The following FARS2 variants were observed in gnomAD, a reference collection of about 807,000 sequenced individuals.
FARS2 encodes the protein phenylalanyl-tRNA synthetase 2, mitochondrial, also known as phenylalanine--tRNA ligase, mitochondrial.
In FARS2, 40 loss-of-function variants were observed where a neutral mutation model predicts 46.4. That is an observed-to-expected ratio of 0.86 (90% CI 0.67 to 1.12). The LOEUF (loss-of-function observed/expected upper bound fraction) is 1.12, where lower values mean the gene tolerates loss of function less well. Among genes scored for constraint, FARS2 ranks in the 50% most tolerant of loss-of-function variants. FARS2 has a pLI of 0.00. For synonymous variants in FARS2, 234 were observed against 214.9 expected, an observed-to-expected ratio of 1.09 and a Z score of -0.78; for missense variants, 513 against 567.9, an observed-to-expected ratio of 0.90 and a Z score of 0.98.
chr6:5,674,154 C>T (rs1778628061), intron 6 of FARS2, among the ~76,000 whole-genome samples: 1 of 118,836 alleles, frequency 8.4e-6, no homozygotes, highest in Admixed American at 1.0e-4. Context: ...TCTATTTTGT[C>T]AGTTTAAAAA....
At chr6:5,428,290 T>A (rs1393082393) in intron 3 of FARS2, among the ~76,000 whole-genome samples, 1 of 152,070 alleles carries the variant, frequency 6.6e-6, no homozygotes, top group Non-Finnish European at 1.5e-5. Context: ...TTATTTAACC[T>A]ATCCAAAATG....
At chr6:5,692,174 C>G (rs569560346) in intron 6 of FARS2, among the ~76,000 whole-genome samples, 1 of 152,186 alleles carries the variant, frequency 6.6e-6, no homozygotes, top group Admixed American at 6.5e-5. Context: ...GGCTCATGCT[C>G]GGTGCGCTGC....
intron 6 of FARS2, among the ~76,000 whole-genome samples, chr6:5,688,077 C>T (rs1379899417): frequency 5.9e-5 from 9 of 152,120 alleles, no homozygotes; most frequent in Admixed American, 3.9e-4. Context: ...CTGAAGTTGC[C>T]TATCAGCTTA....
At position 5,385,380 on chromosome 6, in the gene FARS2, A is replaced by G. The variant is rs146814711; in HGVS notation, c.612+16198A>G. On this transcript the variant is annotated intron_variant, in intron 2 of 6. Transcript: ENST00000274680. ...TAATGTAATTGAATTTGCTTGCTGCATTTGGGGGAGATGAAGGCTTGGGAG... is the reference window on the plus strand; with the variant it reads ...TAATGTAATTGAATTTGCTTGCTGCGTTTGGGGGAGATGAAGGCTTGGGAG... Among the ~76,000 whole-genome samples the G allele has an allele frequency of 1.5e-3, 222 of 151,672 alleles. 2 individuals carry two copies. Among genetic ancestry groups the G allele is most frequent in the Middle Eastern group, 6.9e-3 (2 of 288 alleles).
chr6:5,381,370 AACACACACACAC>A (rs3057175), intron 2 of FARS2, among the ~76,000 whole-genome samples: 1 of 132,904 alleles, frequency 7.5e-6, no homozygotes, highest in African/African-American at 3.3e-5. Context: ...ACTCCCCAGA[AACACACACACAC>A]ACACACACAC....
At chr6:5,545,100 C>A in intron 4 of FARS2, 80 bp from the exon 5 acceptor site, 1 of 1,382,010 alleles carries the variant, frequency 7.2e-7, no homozygotes, top group South Asian at 1.3e-5. Context: ...ATTAGTGTCA[C>A]TGATAACTGT....
At chr6:5,312,582 A>G (rs1769156376) in intron 1 of FARS2, among the ~76,000 whole-genome samples, 1 of 152,186 alleles carries the variant, frequency 6.6e-6, no homozygotes, top group Non-Finnish European at 1.5e-5. Flanking sequence ...AGGGTTTTGA[A>G]AAGTAGGGGT....
At chr6:5,462,986 T>G (rs189947679) in intron 4 of FARS2, among the ~76,000 whole-genome samples, 194 of 152,350 alleles carry the variant, frequency 1.3e-3, no homozygotes, top group African/African-American at 4.4e-3. Context: ...TGAAGAATTA[T>G]TTTTGTAAGC....
chr6:5,296,380 A>G (rs1581716798), intron 1 of FARS2, among the ~76,000 whole-genome samples: 1 of 152,112 alleles, frequency 6.6e-6, no homozygotes, highest in East Asian at 1.9e-4. Flanking sequence ...TGACCTCGTG[A>G]TCCGCCCGCC....
intron 6 of FARS2, among the ~76,000 whole-genome samples, chr6:5,619,733 T>G (rs1177479219): frequency 6.6e-6 from 1 of 152,126 alleles, no homozygotes; most frequent in Non-Finnish European, 1.5e-5. Context: ...GGCTTCCCAG[T>G]GTGCATGAGT....
intron 6 of FARS2, among the ~76,000 whole-genome samples, chr6:5,624,365 C>G (rs1775927179): frequency 6.6e-6 from 1 of 152,164 alleles, no homozygotes; most frequent in African/African-American, 2.4e-5. Flanking sequence ...TGTTGCCCTG[C>G]ACATCACCAT....
At chr6:5,754,982 CTT>C (rs1156363538) in intron 6 of FARS2, among the ~76,000 whole-genome samples, 1 of 152,122 alleles carries the variant, frequency 6.6e-6, no homozygotes. Flanking sequence ...TATTGCCTCT[CTT>C]TGTTCTCTCT....
At chr6:5,686,830 T>C (rs1757270198) in intron 6 of FARS2, among the ~76,000 whole-genome samples, 1 of 152,220 alleles carries the variant, frequency 6.6e-6, no homozygotes, top group Admixed American at 6.5e-5. Flanking sequence ...AGTGTGAAAG[T>C]GTTCCTATTT....
chr6:5,609,748 G>A (rs1775066552), intron 5 of FARS2: 1 of 1,517,300 alleles, frequency 6.6e-7, no homozygotes, highest in East Asian at 2.3e-5. Context: ...CAAAGGCAAA[G>A]CCCCTTTTCT....
intron 1 of FARS2, among the ~76,000 whole-genome samples, chr6:5,273,890 G>A (rs919703679): frequency 6.6e-6 from 1 of 151,818 alleles, no homozygotes; most frequent in African/African-American, 2.4e-5. Context: ...ATTGAAGAGT[G>A]TTTTTTTTCC....
intron 1 of FARS2, among the ~76,000 whole-genome samples, chr6:5,308,784 A>G (rs1768898060): frequency 6.6e-6 from 1 of 152,208 alleles, no homozygotes; most frequent in Non-Finnish European, 1.5e-5. Flanking sequence ...CTCTAACAAA[A>G]TATCATAAAC....
intron 1 of FARS2, among the ~76,000 whole-genome samples, chr6:5,275,355 A>G (rs1032725905): frequency 9.9e-5 from 15 of 152,160 alleles, no homozygotes; most frequent in African/African-American, 3.6e-4. Context: ...TTCTGATTTT[A>G]TCATTATTTC....
At chr6:5,666,317 C>G (rs1778118048) in intron 6 of FARS2, among the ~76,000 whole-genome samples, 1 of 152,132 alleles carries the variant, frequency 6.6e-6, no homozygotes, top group Admixed American at 6.5e-5. Context: ...CAGAAATATG[C>G]TCAGTAAACA....
intron 4 of FARS2, among the ~76,000 whole-genome samples, chr6:5,438,932 A>G (rs1032209376): frequency 2.0e-5 from 3 of 152,242 alleles, no homozygotes; most frequent in Admixed American, 6.5e-5. Flanking sequence ...AGAATTGGTG[A>G]TATTTTCCTG....
Sources: allele counts gnomAD v4.1 joint callset (sites outside exome capture counted in the v4.1 genomes callset), GRCh38; gene constraint gnomAD v4.1.1; transcripts MANE v1.5; gene names NCBI Gene and HGNC (gene_info 2026-07-23, HGNC 2026-07-21).